The following GRB14 variants were observed in gnomAD, a reference collection of about 807,000 sequenced individuals.
GRB14 encodes the protein growth factor receptor-bound protein 14.
GRB14 carries 38 observed loss-of-function variants against 69.1 expected under a neutral mutation model. The observed-to-expected ratio is 0.55, with a 90% CI of 0.42 to 0.72. The LOEUF is 0.72. Among genes scored for constraint, GRB14 ranks in the 30% least tolerant of loss-of-function variants. The pLI, the probability that GRB14 is intolerant of heterozygous loss-of-function variation, is 0.00. For synonymous variants in GRB14, 247 were observed against 241.3 expected (o/e 1.02, Z -0.22); for missense variants, 666 against 666.1 (o/e 1.00, Z 0.00).
At chr2:164,533,140 A>G (rs370876258) in intron 3 of GRB14, among the ~76,000 whole-genome samples, 2 of 145,830 alleles carry the variant, frequency 1.4e-5, no homozygotes, top group East Asian at 4.0e-4. Flanking sequence ...TGCTGGATCT[A>G]TTTACATCCT....
rs550739608 is a variant in GRB14, at chr2:164,523,234, TG to T, written c.679-1118del. ...CCCAGATGCCTGTCCCACAAATTGTTGGCAAAATGTAAATGGATACTTTAAA... is the reference window on the plus strand; with the variant it reads ...CCCAGATGCCTGTCCCACAAATTGTTGCAAAATGTAAATGGATACTTTAAA... On this transcript the variant is annotated intron_variant, in intron 5 of 13. Coordinates refer to ENST00000263915, the MANE Select transcript of GRB14 (RefSeq NM_004490.3). Among the ~76,000 whole-genome samples the T allele has an allele frequency of 1.3e-4, 20 of 152,154 alleles. No homozygotes were observed. The East Asian group carries it at 3.9e-3, about 29-fold the overall frequency.
chr2:164,576,618 T>C (rs1163470132), intron 2 of GRB14, among the ~76,000 whole-genome samples: 1 of 151,820 alleles, frequency 6.6e-6, no homozygotes, highest in African/African-American at 2.4e-5. Context: ...AAAATGTCTA[T>C]GTAATAATAA....
At chr2:164,557,219 A>T (rs1177284631) in intron 2 of GRB14, among the ~76,000 whole-genome samples, 2 of 152,190 alleles carry the variant, frequency 1.3e-5, no homozygotes, top group Non-Finnish European at 2.9e-5. Flanking sequence ...CACTAAATGG[A>T]GAGCAGAAGG....
At chr2:164,549,409 A>C (rs904320044) in intron 2 of GRB14, among the ~76,000 whole-genome samples, 3 of 152,148 alleles carry the variant, frequency 2.0e-5, no homozygotes, top group African/African-American at 7.2e-5. Flanking sequence ...TAATTTTCTT[A>C]TACACTGAAT....
At chr2:164,594,987 T>C (rs986231864) in intron 2 of GRB14, among the ~76,000 whole-genome samples, 1 of 152,174 alleles carries the variant, frequency 6.6e-6, no homozygotes, top group African/African-American at 2.4e-5. Context: ...TAGACCCTGG[T>C]TTTGCCCTTT....
In GRB14 at chr2:164,621,304, G is replaced by T; in HGVS notation, c.6C>A (p.Thr2=). M[T]TSLQDGQSAA... is the part of the protein sequence containing the mutation. The stretch of plus-strand genomic sequence containing the variant: ...CGCTCTGCCCATCTTGCAGGGAAGT[G>T]GTCATTGTCGCCGGCCGGGGGGCTC... Residue 2 remains threonine (T), a synonymous_variant, in exon 1 of 14, where the codon ACC becomes ACA. Coordinates refer to ENST00000263915, the MANE Select transcript of GRB14 (RefSeq NM_004490.3). The surrounding 1 kb of genome is among the most constrained non-coding windows in gnomAD (Gnocchi z 6.0). The T allele has an allele frequency of 7.8e-7, 1 of 1,286,560 alleles. No homozygotes were observed. The highest frequency in any genetic ancestry group is 3.3e-5 in the South Asian group (1 of 30,172). The allele number at this position is 1,286,560 out of a possible 1,614,324, so 79.7% of individuals were successfully genotyped here.
At chr2:164,601,972 C>G (rs758013981) in intron 2 of GRB14, among the ~76,000 whole-genome samples, 1 of 151,864 alleles carries the variant, frequency 6.6e-6, no homozygotes, top group Non-Finnish European at 1.5e-5. Flanking sequence ...AATCTAAAAC[C>G]GGTTCTGCTC....
chr2:164,606,706 G>C (rs1159503054), intron 2 of GRB14, among the ~76,000 whole-genome samples: 2 of 152,114 alleles, frequency 1.3e-5, no homozygotes, highest in Non-Finnish European at 2.9e-5. Context: ...GAGTGTTCCA[G>C]CTGATCTTAA....
intron 4 of GRB14, 128 bp downstream of exon 4, chr2:164,526,886 A>C (rs927374324): frequency 1.1e-5 from 5 of 471,966 alleles, no homozygotes; most frequent in African/African-American, 1.0e-4. Context: ...GTATAATTTC[A>C]AAGGACCAGA....
intron 2 of GRB14, among the ~76,000 whole-genome samples, chr2:164,573,334 A>G (rs1689165048): frequency 6.6e-6 from 1 of 152,202 alleles, no homozygotes; most frequent in Non-Finnish European, 1.5e-5. Context: ...CATAGTGGAC[A>G]AGCCTCCTTT....
At chr2:164,613,928 A>G (rs1690224448) in intron 2 of GRB14, among the ~76,000 whole-genome samples, 1 of 152,256 alleles carries the variant, frequency 6.6e-6, no homozygotes, top group South Asian at 2.1e-4. Flanking sequence ...GATTAAGAGT[A>G]GCACTGATTT....
At chr2:164,541,226 G>T (rs1688229522) in intron 3 of GRB14, among the ~76,000 whole-genome samples, 1 of 152,048 alleles carries the variant, frequency 6.6e-6, no homozygotes, top group South Asian at 2.1e-4. Context: ...CCAGCACTTT[G>T]GGAGGCCGAG....
chr2:164,566,184 G>A (rs1688968115), intron 2 of GRB14, among the ~76,000 whole-genome samples: 1 of 152,070 alleles, frequency 6.6e-6, no homozygotes, highest in Non-Finnish European at 1.5e-5. Context: ...TAAAATTATG[G>A]CATATATGGA....
intron 2 of GRB14, among the ~76,000 whole-genome samples, chr2:164,563,742 G>A (rs1325169563): frequency 6.6e-6 from 1 of 152,126 alleles, no homozygotes; most frequent in Admixed American, 6.5e-5. Context: ...TTAATCCACA[G>A]TCCTTTGTGT....
intron 6 of GRB14, among the ~76,000 whole-genome samples, chr2:164,510,406 T>C (rs1331230482): frequency 2.0e-5 from 3 of 152,176 alleles, no homozygotes; most frequent in African/African-American, 4.8e-5. Flanking sequence ...TGTACGGACA[T>C]GGGGAGGTGG....
chr2:164,538,823 C>T (rs949168000), intron 3 of GRB14, among the ~76,000 whole-genome samples: 2 of 152,064 alleles, frequency 1.3e-5, no homozygotes, highest in African/African-American at 2.4e-5. Flanking sequence ...CTCGCTCAGC[C>T]AAAATAAATA....
At chr2:164,553,039 A>G (rs1688585106) in intron 2 of GRB14, among the ~76,000 whole-genome samples, 1 of 152,148 alleles carries the variant, frequency 6.6e-6, no homozygotes, top group Admixed American at 6.5e-5. Flanking sequence ...GTTGCTGAAA[A>G]TGTTCTCTGC....
At chr2:164,522,511 G>A (rs1004410532) in intron 5 of GRB14, among the ~76,000 whole-genome samples, 8 of 152,232 alleles carry the variant, frequency 5.3e-5, no homozygotes, top group African/African-American at 7.2e-5. Flanking sequence ...CATCTATTGC[G>A]TTAAGTCCTG....
At chr2:164,509,792 G>GAAAAAA (rs10675642) in intron 6 of GRB14, among the ~76,000 whole-genome samples, 3 of 86,222 alleles carry the variant, frequency 3.5e-5, no homozygotes, top group African/African-American at 1.4e-4. Context: ...AGAAGCAGTG[G>GAAAAAA]AAAAAAAAAA....
Sources: gnomAD v4.1 joint callset for allele counts (sites outside exome capture counted in the v4.1 genomes callset) on GRCh38, gnomAD v4.1.1 for gene constraint, Gnocchi (gnomAD v3.1) non-coding constraint, MANE v1.5 for transcripts, NCBI Gene and HGNC (gene_info 2026-07-23, HGNC 2026-07-21) for gene names.